The following ARL14EP variants were observed in gnomAD, a reference collection of about 807,000 sequenced individuals.
ARL14EP encodes ARF like GTPase 14 effector protein.
In ARL14EP, 12 loss-of-function variants were observed where a neutral mutation model predicts 23.1. That is an observed-to-expected ratio of 0.52 (90% CI 0.33 to 0.84). ARL14EP has a LOEUF of 0.84. Ranked by LOEUF, ARL14EP falls within the 40% of genes least tolerant of loss-of-function variation. ARL14EP has a pLI of 0.02. For missense variants in ARL14EP, 253 were observed against 307.3 expected, an observed-to-expected ratio of 0.82 and a Z score of 1.32; for synonymous variants, 97 against 102.0, an observed-to-expected ratio of 0.95 and a Z score of 0.29.
rs1180859055 is a variant in ARL14EP, at chr11:30,330,862, G to C, written c.-63-24G>C. ...CTAGATAAACTTGCAGCACAAATTT[G>C]ATTCTCTTTAATATTTTCTCTAGGG... On this transcript the variant is annotated intron_variant, in intron 1 of 3. Transcript: ENST00000282032. 3.9e-6 allele frequency: 5 copies of C among 1,295,382 alleles called. No individual in the cohort carries two copies. The Admixed American group carries it at 1.0e-4, about 26-fold the overall frequency. 80.2% of individuals were successfully genotyped at this position (1,295,382 alleles called of 1,614,324 possible). A position where few individuals can be genotyped will look rare whatever the true frequency, so the allele number is the denominator to read the frequency against.
chr11:30,333,051 C>T (rs914378422), intron 3 of ARL14EP, 58 bp downstream of exon 3: 15 of 1,595,578 alleles, frequency 9.4e-6, no homozygotes, highest in Middle Eastern at 3.3e-4. Context: ...GCATTGTTCC[C>T]CTATTTTTCT....
rs539669064 is a variant in ARL14EP at position 30,323,400 on chromosome 11, C to A, written c.-64+198C>A. ...CGCGTAGTTCATCTGCGACGCAACG[C>A]CTTGTGTCAAAGCCCAGCACAGGTT... On this transcript the variant is annotated intron_variant, in intron 1 of 3. Transcript: ENST00000282032. Among the ~76,000 whole-genome samples the A allele has an allele frequency of 1.2e-3, 188 of 152,318 alleles. 3 individuals carry two copies. Among genetic ancestry groups the A allele is most frequent in the Non-Finnish European group, 1.5e-4 (10 of 68,026 alleles).
At chr11:30,324,827 A>C (rs1403396151) in intron 1 of ARL14EP, among the ~76,000 whole-genome samples, 1 of 152,228 alleles carries the variant, frequency 6.6e-6, no homozygotes, top group Non-Finnish European at 1.5e-5. Flanking sequence ...AGGTCTAATC[A>C]AAGTATTCTA....
In ARL14EP at chr11:30,330,926, C is replaced by T. The variant is rs79806526; in HGVS notation, c.-23C>T. The T allele has an allele frequency of 7.4e-6, 12 of 1,611,830 alleles. No homozygotes were observed. The highest frequency in any genetic ancestry group is 1.1e-5 in the South Asian group (1 of 90,978). Reference sequence around the variant, plus strand: ...ACCTAAACCTCCAGACAAAATAAAACGGAAAATTTGCTAGAATCAAGAATG... The same window carrying T: ...ACCTAAACCTCCAGACAAAATAAAATGGAAAATTTGCTAGAATCAAGAATG... On this transcript the variant is annotated 5_prime_UTR_variant, in exon 2 of 4. The change creates a new upstream start codon in the 5' untranslated region. Coordinates refer to ENST00000282032, the MANE Select transcript of ARL14EP (RefSeq NM_152316.3).
intron 3 of ARL14EP, among the ~76,000 whole-genome samples, chr11:30,333,283 T>C (rs1947299932): frequency 6.6e-6 from 1 of 152,164 alleles, no homozygotes; most frequent in East Asian, 1.9e-4. Flanking sequence ...AGCATTGTTA[T>C]TATATATATA....
chr11:30,330,690 G>T lies in ARL14EP; in HGVS notation c.-63-196G>T, dbSNP rs573796582. 4.1e-5 allele frequency: 17 copies of T among 415,330 alleles called. 1 individual carries two copies. In the South Asian group the frequency reaches 4.4e-4, roughly 11 times the overall value. 25.7% of individuals were successfully genotyped at this position (415,330 alleles called of 1,614,324 possible). A position where few individuals can be genotyped will look rare whatever the true frequency, so the allele number is the denominator to read the frequency against. The stretch of plus-strand genomic sequence containing the variant: ...GTGGTCTTAAATATAATCTGTAATT[G>T]CAGATGTTTTCGTGAAGTTCTGACT... On this transcript the variant is annotated intron_variant, in intron 1 of 3. Coordinates refer to ENST00000282032, the MANE Select transcript of ARL14EP (RefSeq NM_152316.3).
At chr11:30,331,544 G>T in intron 2 of ARL14EP, 170 bp downstream of exon 2, 1 of 1,447,672 alleles carries the variant, frequency 6.9e-7, no homozygotes, top group Non-Finnish European at 9.0e-7. Flanking sequence ...TATACTGAAG[G>T]TCAAGATTGG....
rs568565536 is a variant in ARL14EP at position 30,338,120 on chromosome 11, C to T, written c.*1325C>T. 6.6e-6 allele frequency: 1 copy of T among 152,196 alleles called. No homozygotes were observed. The highest frequency in any genetic ancestry group is 1.9e-4 in the East Asian group (1 of 5,180). 9.4% of individuals were successfully genotyped at this position (152,196 alleles called of 1,614,324 possible). ...CAGGGAAAACTGATTTTGATAGAAC[C>T]GACTAGTTGAGTATTAAACTGTTTT... On this transcript the variant is annotated 3_prime_UTR_variant, in exon 4 of 4. Coordinates refer to ENST00000282032, the MANE Select transcript of ARL14EP (RefSeq NM_152316.3).
chr11:30,326,916 C>T (rs1459164766), intron 1 of ARL14EP, among the ~76,000 whole-genome samples: 3 of 152,196 alleles, frequency 2.0e-5, no homozygotes, highest in African/African-American at 7.2e-5. Context: ...TCACAGTTGG[C>T]AATGTCTTCT....
rs540006406 is a variant in ARL14EP, at chr11:30,337,307, T to A, written c.*512T>A. The A allele has an allele frequency of 3.5e-4, 62 of 175,040 alleles. No individual in the cohort carries two copies. Among genetic ancestry groups the A allele is most frequent in the Admixed American group, 3.4e-3 (62 of 18,038 alleles). The allele number at this position is 175,040 out of a possible 1,614,324, so 10.8% of individuals were successfully genotyped here. ...ATTTCTTTCAAATTCTTCCAGTGGTTTGTCCCTGTGCATCTGTTAATTCAG... is the reference window on the plus strand; with the variant it reads ...ATTTCTTTCAAATTCTTCCAGTGGTATGTCCCTGTGCATCTGTTAATTCAG... On this transcript the variant is annotated 3_prime_UTR_variant, in exon 4 of 4. Coordinates refer to ENST00000282032, the MANE Select transcript of ARL14EP (RefSeq NM_152316.3).
chr11:30,328,496 T>A (rs1038075524), intron 1 of ARL14EP: 2 of 152,198 alleles, frequency 1.3e-5, no homozygotes, highest in African/African-American at 4.8e-5. Flanking sequence ...TTGGGACCTG[T>A]ATTAGTTCAT....
chr11:30,334,489 C>T (rs1947316377), intron 3 of ARL14EP, among the ~76,000 whole-genome samples: 1 of 152,092 alleles, frequency 6.6e-6, no homozygotes, highest in Admixed American at 6.5e-5. Context: ...GCTGGGATTA[C>T]AGGTGTGAGC....
At chr11:30,325,896 G>C (rs566729827) in intron 1 of ARL14EP, among the ~76,000 whole-genome samples, 5 of 152,216 alleles carry the variant, frequency 3.3e-5, no homozygotes, top group East Asian at 1.9e-4. Flanking sequence ...TTGCATTGCT[G>C]TTGGTTATCT....
Position 30,336,633 on chromosome 11 carries a change from C to A in ARL14EP, c.621C>A (p.Asp207Glu), listed in dbSNP as rs1947334571. ...SQGLLIFSGM[D>E]LCDCLDEDCL... ...GTCTCCTGATTTTTAGTGGGATGGA[C>A]CTCTGTGACTGCCTGGATGAAGACT... Residue 207 changes from aspartate (D) to glutamate (E), a missense_variant, in exon 4 of 4, where the codon GAC becomes GAA. Coordinates refer to ENST00000282032, the MANE Select transcript of ARL14EP (RefSeq NM_152316.3). 6.2e-7 allele frequency: 1 copy of A among 1,613,916 alleles called. No homozygotes were observed. The highest frequency in any genetic ancestry group is 1.3e-5 in the African/African-American group (1 of 74,868).
At chr11:30,330,241 A>G (rs574946670) in intron 1 of ARL14EP, 170 of 152,426 alleles carry the variant, frequency 1.1e-3, no homozygotes, top group African/African-American at 3.8e-3. Context: ...AAGTAAATCA[A>G]TATGTTACTG....
intron 1 of ARL14EP, chr11:30,329,945 T>G (rs1431838697): frequency 1.3e-5 from 2 of 152,128 alleles, no homozygotes; most frequent in Non-Finnish European, 2.9e-5. Flanking sequence ...TCTGCTTGCT[T>G]GTTTGAAAAA....
chr11:30,331,431 T>C, intron 2 of ARL14EP, 57 bp downstream of exon 2: 1 of 1,609,946 alleles, frequency 6.2e-7, no homozygotes, highest in Non-Finnish European at 8.5e-7. Flanking sequence ...AGGATTTTGC[T>C]TAACTATAAG....
intron 1 of ARL14EP, 112 bp from the exon 2 acceptor site, chr11:30,330,774 C>T: frequency 3.2e-6 from 2 of 629,196 alleles, no homozygotes; most frequent in South Asian, 2.1e-5. Flanking sequence ...CGATAAATAC[C>T]TTTTTTATTC....
chr11:30,330,310 C>T (rs1390488166), intron 1 of ARL14EP: 2 of 152,390 alleles, frequency 1.3e-5, no homozygotes, highest in Admixed American at 6.6e-5. Flanking sequence ...TATAGACCAG[C>T]TTGCTAAATT....
Sources: gnomAD v4.1 joint callset for allele counts (sites outside exome capture counted in the v4.1 genomes callset) on GRCh38, gnomAD v4.1.1 for gene constraint, MANE v1.5 for transcripts, NCBI Gene and HGNC (gene_info 2026-07-23, HGNC 2026-07-21) for gene names.